Variants in UST observed in about 807,000 individuals in gnomAD.
UST encodes the protein chondroitin sulfate 2-O-sulfotransferase.
UST carries 21 observed loss-of-function variants against 45.6 expected under a neutral mutation model. The observed-to-expected ratio is 0.46, with a 90% confidence interval of 0.33 to 0.66. The LOEUF is 0.66. Ranked by LOEUF, UST falls within the 30% of genes least tolerant of loss-of-function variation. The pLI, the probability that UST is intolerant of heterozygous loss-of-function variation, is 0.02. For synonymous variants in UST, 215 were observed against 200.6 expected (o/e 1.07, Z -0.61); for missense variants, 463 against 512.4 (o/e 0.90, Z 0.93).
At chr6:148,923,411 C>G (rs1375482631) in intron 2 of UST, among the ~76,000 whole-genome samples, 1 of 152,154 alleles carries the variant, frequency 6.6e-6, no homozygotes, top group Non-Finnish European at 1.5e-5. Context: ...TAGGAGGCTT[C>G]CAGTGTCTTT....
At chr6:148,992,165 G>T (rs1390502237) in intron 5 of UST, among the ~76,000 whole-genome samples, 1 of 152,110 alleles carries the variant, frequency 6.6e-6, no homozygotes, top group Non-Finnish European at 1.5e-5. Flanking sequence ...AACACCTTAG[G>T]ATTCTTATGA....
Position 148,863,431 on chromosome 6 carries a change from G to A in UST, c.248-23555G>A, listed in dbSNP as rs572897352. 3.8e-4 allele frequency among the ~76,000 whole-genome samples: 58 copies of A among 152,228 alleles called. 3 individuals carry two copies. In the South Asian group the frequency reaches 0.011, roughly 28 times the overall value. On this transcript the variant is annotated intron_variant, in intron 1 of 7. Transcript: ENST00000367463. ...TTTTCAAGGTTTTTAGCTTCTTTGC[G>A]ATGGGTTCGAGCATCCTCCTTTAGC...
chr6:148,894,393 G>A (rs1779078622), intron 2 of UST, among the ~76,000 whole-genome samples: 1 of 152,172 alleles, frequency 6.6e-6, no homozygotes, highest in African/African-American at 2.4e-5. Flanking sequence ...ATAAGAAGAG[G>A]GAAATTTGGA....
At chr6:148,827,960 A>G (rs1198712509) in intron 1 of UST, among the ~76,000 whole-genome samples, 2 of 151,892 alleles carry the variant, frequency 1.3e-5, no homozygotes, top group Non-Finnish European at 2.9e-5. Context: ...ATAACAATCT[A>G]TTTTCATTTG....
intron 7 of UST, among the ~76,000 whole-genome samples, chr6:149,054,424 A>G (rs1178266914): frequency 6.6e-6 from 1 of 152,204 alleles, no homozygotes; most frequent in East Asian, 1.9e-4. Context: ...ATCATCTTGC[A>G]CTTATAGCTA....
In UST at chr6:149,010,913, A is replaced by AAAAAAAAAAAAAAAAAAAAAAAAAAAC. The variant is rs755674810; in HGVS notation, c.682-8220_682-8219insAAAAAAAAAAAAAAAAAAAACAAAAAA. The stretch of plus-strand genomic sequence containing the variant: ...TCTCAACCAAAAAAAAAAAAAAAAA[A>AAAAAAAAAAAAAAAAAAAAAAAAAAAC]AAAAAACTGTGACTATTTATTTGTC... On this transcript the variant is annotated intron_variant, in intron 5 of 7. Transcript: ENST00000367463. Among the ~76,000 whole-genome samples the AAAAAAAAAAAAAAAAAAAAAAAAAAAC allele has an allele frequency of 6.5e-5, 6 of 92,998 alleles. 1 individual carries two copies. The highest frequency in any genetic ancestry group is 1.7e-4 in the African/African-American group (4 of 22,942). 61.0% of individuals were successfully genotyped at this position (92,998 alleles called of 152,430 possible).
chr6:148,754,902 C>T (rs1273016093), intron 1 of UST, among the ~76,000 whole-genome samples: 2 of 152,058 alleles, frequency 1.3e-5, no homozygotes, highest in Non-Finnish European at 2.9e-5. Context: ...TCTAAAGAAT[C>T]CTGGGGGTCT....
intron 1 of UST, among the ~76,000 whole-genome samples, chr6:148,813,257 T>G (rs1452176291): frequency 2.0e-5 from 3 of 152,208 alleles, no homozygotes; most frequent in Non-Finnish European, 4.4e-5. Context: ...AGAGGGAAAC[T>G]GCTGAGTCCT....
chr6:148,960,988 TAGC>T (rs1582926552), intron 4 of UST, among the ~76,000 whole-genome samples: 1 of 152,268 alleles, frequency 6.6e-6, no homozygotes, highest in East Asian at 1.9e-4. Context: ...TTGATTGAGG[TAGC>T]AGTGTGGGAC....
At chr6:148,894,814 CT>C (rs760698349) in intron 2 of UST, among the ~76,000 whole-genome samples, 151 of 93,696 alleles carry the variant, frequency 1.6e-3, no homozygotes, top group South Asian at 3.6e-3. Flanking sequence ...AATTTCAGTG[CT>C]TTTTTTTTTT....
At chr6:148,835,865 T>A (rs113729569) in intron 1 of UST, among the ~76,000 whole-genome samples, 1,597 of 152,306 alleles carry the variant, frequency 0.01, 20 homozygotes, top group Admixed American at 0.021. Flanking sequence ...GGCTGTTTTT[T>A]AAAAAGGGAT....
At chr6:148,823,095 C>T (rs1226645224) in intron 1 of UST, among the ~76,000 whole-genome samples, 1 of 152,076 alleles carries the variant, frequency 6.6e-6, no homozygotes, top group Non-Finnish European at 1.5e-5. Flanking sequence ...GAGATAATTT[C>T]CTTTAGTTTT....
At chr6:149,048,587 T>G (rs1443681639) in intron 7 of UST, among the ~76,000 whole-genome samples, 1 of 151,954 alleles carries the variant, frequency 6.6e-6, no homozygotes, top group Non-Finnish European at 1.5e-5. Flanking sequence ...TATGTTTAAT[T>G]GAAACTTTAA....
chr6:148,782,363 G>A (rs186215418), intron 1 of UST, among the ~76,000 whole-genome samples: 1 of 152,298 alleles, frequency 6.6e-6, no homozygotes, highest in East Asian at 1.9e-4. Flanking sequence ...GAAATAGCGA[G>A]AGAACTAAAA....
intron 7 of UST, among the ~76,000 whole-genome samples, chr6:149,034,342 A>T (rs1421474863): frequency 6.6e-6 from 1 of 152,152 alleles, no homozygotes; most frequent in South Asian, 2.1e-4. Flanking sequence ...TTTTGGTATT[A>T]TTTAAATATT....
intron 7 of UST, among the ~76,000 whole-genome samples, chr6:149,046,472 T>C (rs1051123306): frequency 6.6e-6 from 1 of 152,264 alleles, no homozygotes. Flanking sequence ...AGTTTTCTTC[T>C]CCTTTCCTGA....
chr6:148,863,538 G>A (rs562431856), intron 1 of UST, among the ~76,000 whole-genome samples: 146 of 152,206 alleles, frequency 9.6e-4, no homozygotes, highest in Non-Finnish European at 1.7e-3. Flanking sequence ...GCTTTGTTCC[G>A]TTGCTACCAA....
At chr6:149,062,923 G>C (rs965807825) in intron 7 of UST, among the ~76,000 whole-genome samples, 1 of 152,206 alleles carries the variant, frequency 6.6e-6, no homozygotes, top group African/African-American at 2.4e-5. Flanking sequence ...TTCTCTGCAG[G>C]ACTTGTATGA....
intron 1 of UST, among the ~76,000 whole-genome samples, chr6:148,817,276 T>A (rs1303734475): frequency 6.6e-6 from 1 of 152,252 alleles, no homozygotes; most frequent in Non-Finnish European, 1.5e-5. Context: ...GCCCTTCTTT[T>A]ATTTTTGTAA....
Sources: gnomAD v4.1 joint callset for allele counts (sites outside exome capture counted in the v4.1 genomes callset) on GRCh38, gnomAD v4.1.1 for gene constraint, MANE v1.5 for transcripts, NCBI Gene and HGNC (gene_info 2026-07-23, HGNC 2026-07-21) for gene names.